CADM2: variants seen among roughly 807,000 people sequenced by gnomAD.
CADM2 encodes cell adhesion molecule 2.
A neutral mutation model predicts 49.8 loss-of-function variants in CADM2; 12 were observed. The ratio of observed to expected loss-of-function variants is 0.24; its 90% CI spans 0.15 to 0.39. The LOEUF (loss-of-function observed/expected upper bound fraction) is 0.39. Ranked by LOEUF, CADM2 falls within the 10% of genes least tolerant of loss-of-function variation. CADM2 has a pLI of 1.00. For missense variants in CADM2, 378 were observed against 492.3 expected (o/e 0.77, Z 2.20); for synonymous variants, 214 against 175.4 (o/e 1.22, Z -1.74).
chr3:85,691,047 G>A (rs1409785663), intron 1 of CADM2, among the ~76,000 whole-genome samples: 4 of 152,032 alleles, frequency 2.6e-5, no homozygotes, highest in Non-Finnish European at 2.9e-5. Context: ...CTTTATACCC[G>A]TTGACCAATC....
Position 85,843,061 on chromosome 3 carries a change from C to T in CADM2, c.239-40230C>T, listed in dbSNP as rs148064611. On this transcript the variant is annotated intron_variant, in intron 3 of 9. Coordinates refer to ENST00000383699, the MANE Select transcript of CADM2 (RefSeq NM_001167675.2). ...GGCAGAGGAAATAGAAAAAGGAAAC[C>T]GTATAACCATGATTAAATGTTTAGC... Among the ~76,000 whole-genome samples the T allele has an allele frequency of 4.8e-3, 730 of 152,024 alleles. 5 individuals carry two copies. The highest frequency in any genetic ancestry group is 0.022 in the East Asian group (113 of 5,148).
At chr3:85,771,621 C>T (rs73845651) in intron 2 of CADM2, among the ~76,000 whole-genome samples, 2,301 of 151,900 alleles carry the variant, frequency 0.015, 61 homozygotes, top group African/African-American at 0.053. Flanking sequence ...CCATAGAAGC[C>T]GCTAGGTAGG....
At position 85,769,153 on chromosome 3, in the gene CADM2, AT is replaced by A. The variant is rs1166195133; in HGVS notation, c.89-32893del. On this transcript the variant is annotated intron_variant, in intron 2 of 9. Transcript: ENST00000383699. Reference sequence around the variant, plus strand: ...ACATATATAGTATATATACACATATATACATATATAGTATATATACACATAT... The same window carrying A: ...ACATATATAGTATATATACACATATAACATATATAGTATATATACACATAT... Among the ~76,000 whole-genome samples, 162 of 71,752 alleles carry A rather than the reference AT, an allele frequency of 2.3e-3. 24 individuals carry two copies. The highest frequency in any genetic ancestry group is 0.012 in the African/African-American group (158 of 12,774). 47.1% of individuals were successfully genotyped at this position (71,752 alleles called of 152,430 possible). A position where few individuals can be genotyped will look rare whatever the true frequency, so the allele number is the denominator to read the frequency against.
chr3:85,890,733 A>G (rs1714317559), intron 5 of CADM2, among the ~76,000 whole-genome samples: 1 of 152,072 alleles, frequency 6.6e-6, no homozygotes, highest in South Asian at 2.1e-4. Context: ...CCCAAGCTTA[A>G]CTTTCCCTTT....
intron 1 of CADM2, among the ~76,000 whole-genome samples, chr3:85,112,712 A>G (rs910367474): frequency 1.3e-5 from 2 of 151,814 alleles, no homozygotes; most frequent in Non-Finnish European, 2.9e-5. Flanking sequence ...ATAAAATAAC[A>G]GTAATATTAG....
chr3:85,471,177 C>T (rs536820391), intron 1 of CADM2, among the ~76,000 whole-genome samples: 2 of 152,174 alleles, frequency 1.3e-5, no homozygotes, highest in Admixed American at 6.6e-5. Flanking sequence ...CTCAGTTTCG[C>T]GTCATCACTC....
intron 1 of CADM2, among the ~76,000 whole-genome samples, chr3:85,532,009 A>G (rs771262051): frequency 2.6e-5 from 4 of 152,100 alleles, no homozygotes; most frequent in Admixed American, 6.5e-5. Flanking sequence ...AACCCCGTCT[A>G]TACTAACAAT....
intron 1 of CADM2, among the ~76,000 whole-genome samples, chr3:85,280,054 T>A (rs1346781867): frequency 6.6e-6 from 1 of 151,696 alleles, no homozygotes; most frequent in African/African-American, 2.4e-5. Flanking sequence ...CATTATCTAT[T>A]TTTTGCTTTT....
chr3:85,135,522 C>T (rs181191194), intron 1 of CADM2, among the ~76,000 whole-genome samples: 1 of 152,138 alleles, frequency 6.6e-6, no homozygotes, highest in East Asian at 1.9e-4. Context: ...ATCAAAAGCA[C>T]ATATAGTACT....
intron 7 of CADM2, among the ~76,000 whole-genome samples, chr3:85,959,263 C>T (rs1047151575): frequency 1.3e-5 from 2 of 151,630 alleles, no homozygotes; most frequent in Non-Finnish European, 2.9e-5. Flanking sequence ...ATGGCCTCTC[C>T]TGGCATGCTT....
intron 1 of CADM2, among the ~76,000 whole-genome samples, chr3:85,634,650 G>A (rs1173802045): frequency 6.6e-6 from 1 of 151,960 alleles, no homozygotes; most frequent in Non-Finnish European, 1.5e-5. Context: ...GGCCTCTGAA[G>A]AATTTATGTC....
chr3:85,180,047 T>C (rs1422182484), intron 1 of CADM2, among the ~76,000 whole-genome samples: 1 of 152,108 alleles, frequency 6.6e-6, no homozygotes, highest in Non-Finnish European at 1.5e-5. Flanking sequence ...AAATTATTTA[T>C]TGATATTATG....
intron 1 of CADM2, among the ~76,000 whole-genome samples, chr3:85,156,713 CA>C (rs1345331710): frequency 4.6e-5 from 7 of 152,154 alleles, no homozygotes; most frequent in African/African-American, 1.4e-4. Flanking sequence ...CTATCTATGA[CA>C]AACCCACAGC....
chr3:85,681,680 A>C (rs982129746), intron 1 of CADM2, among the ~76,000 whole-genome samples: 1 of 152,092 alleles, frequency 6.6e-6, no homozygotes. Flanking sequence ...GATTTCTCAA[A>C]TTTTCATGAT....
At chr3:85,158,763 GCACAC>G (rs2040222086) in intron 1 of CADM2, among the ~76,000 whole-genome samples, 1 of 151,982 alleles carries the variant, frequency 6.6e-6, no homozygotes, top group African/African-American at 2.4e-5. Context: ...AGTGGGTGCA[GCACAC>G]CAGCATGGCA....
intron 1 of CADM2, among the ~76,000 whole-genome samples, chr3:85,006,018 G>A (rs1441577565): frequency 1.3e-5 from 2 of 152,020 alleles, no homozygotes; most frequent in Non-Finnish European, 2.9e-5. Context: ...ATAGATGTAC[G>A]GCCAGCAGAA....
At chr3:85,288,852 T>C (rs1359874695) in intron 1 of CADM2, among the ~76,000 whole-genome samples, 1 of 147,534 alleles carries the variant, frequency 6.8e-6, no homozygotes, top group Non-Finnish European at 1.5e-5. Context: ...TTGACCTTTA[T>C]TGTTTTCTTG....
chr3:85,328,310 A>C (rs916844497), intron 1 of CADM2, among the ~76,000 whole-genome samples: 5 of 152,228 alleles, frequency 3.3e-5, no homozygotes, highest in African/African-American at 1.2e-4. Flanking sequence ...ACATGGCTTC[A>C]AATTGTATTT....
At chr3:85,783,889 A>G (rs1165783374) in intron 2 of CADM2, among the ~76,000 whole-genome samples, 1 of 152,184 alleles carries the variant, frequency 6.6e-6, no homozygotes, top group Non-Finnish European at 1.5e-5. Flanking sequence ...TCAGAAAAAT[A>G]TGCACCACTT....
Sources: allele counts gnomAD v4.1 joint callset (sites outside exome capture counted in the v4.1 genomes callset), GRCh38; gene constraint gnomAD v4.1.1; transcripts MANE v1.5; gene names NCBI Gene and HGNC (gene_info 2026-07-23, HGNC 2026-07-21).